Variants in ELMOD1 observed in about 807,000 individuals in gnomAD.
ELMOD1 encodes the protein ELMO domain-containing protein 1.
In ELMOD1, 21 loss-of-function variants were observed where a neutral mutation model predicts 46.7. The ratio of observed to expected loss-of-function variants is 0.45; its 90% CI spans 0.32 to 0.65. The LOEUF (loss-of-function observed/expected upper bound fraction) is 0.65. ELMOD1 is among the 30% of genes least tolerant of loss of function. The pLI, the probability that ELMOD1 is intolerant of heterozygous loss-of-function variation, is 0.04. For missense variants in ELMOD1, 348 were observed against 407.8 expected (o/e 0.85, Z 1.26); for synonymous variants, 122 against 138.2 (o/e 0.88, Z 0.82).
intron 6 of ELMOD1, chr11:107,643,553 T>C (rs1297626035): frequency 5.9e-6 from 3 of 512,278 alleles, no homozygotes; most frequent in Non-Finnish European, 1.2e-5. Flanking sequence ...TGGAGTTTTA[T>C]GAGCCACACA....
In ELMOD1 at chr11:107,658,996, G is replaced by T. The variant is rs140334326; in HGVS notation, c.832+2930G>T. Among the ~76,000 whole-genome samples, 19 of 152,294 alleles carry T rather than the reference G, an allele frequency of 1.2e-4. No homozygotes were observed. The East Asian group carries it at 3.7e-3, about 29-fold the overall frequency. Reference sequence around the variant, plus strand: ...TTAGCTCACTCAGCCTGGAAGTCAGGGAAGTTTCTCCAAAGCAAATGCCAC... The same window carrying T: ...TTAGCTCACTCAGCCTGGAAGTCAGTGAAGTTTCTCCAAAGCAAATGCCAC... On this transcript the variant is annotated intron_variant, in intron 11 of 11. Coordinates refer to ENST00000265840, the MANE Select transcript of ELMOD1 (RefSeq NM_018712.4).
In ELMOD1 at chr11:107,631,602, T is replaced by C; in HGVS notation, c.215T>C (p.Val72Ala). 1 of 1,563,154 alleles carries C rather than the reference T, an allele frequency of 6.4e-7. No individual in the cohort carries two copies. Among genetic ancestry groups the C allele is most frequent in the African/African-American group, 1.4e-5 (1 of 73,554 alleles). The change falls in exon 5 of 12, where the codon GTT (valine) becomes GCT (alanine). Residue 72 changes from valine to alanine, a missense_variant. By Grantham distance (64) the Val-to-Ala change is moderately conservative (BLOSUM62 0). Transcript: ENST00000265840. ...KSKLLQTSVSVHPDAIEKTIE... is the reference protein window; with the variant it reads ...KSKLLQTSVSAHPDAIEKTIE... The stretch of plus-strand genomic sequence containing the variant: ...CAGCTGTTGCAGACTTCTGTGAGTG[T>C]TCACCCCGACGCTATTGAAAAAACT...
chr11:107,597,930 T>A (rs1373690141), intron 1 of ELMOD1, among the ~76,000 whole-genome samples: 1 of 152,174 alleles, frequency 6.6e-6, no homozygotes, highest in Non-Finnish European at 1.5e-5. Context: ...AAAATAAAAT[T>A]GCACAGCACA....
chr11:107,602,085 G>C (rs1026134860), intron 1 of ELMOD1, among the ~76,000 whole-genome samples: 13 of 152,314 alleles, frequency 8.5e-5, no homozygotes, highest in African/African-American at 3.1e-4. Flanking sequence ...TTGTATGTCT[G>C]AAATTGTCTT....
At chr11:107,611,401 T>G (rs535581230) in intron 1 of ELMOD1, among the ~76,000 whole-genome samples, 1 of 151,954 alleles carries the variant, frequency 6.6e-6, no homozygotes, top group Non-Finnish European at 1.5e-5. Flanking sequence ...ACAAATCACC[T>G]CATTAAAAAG....
At chr11:107,642,415 C>G (rs11821158) in intron 6 of ELMOD1, among the ~76,000 whole-genome samples, 1 of 152,090 alleles carries the variant, frequency 6.6e-6, no homozygotes, top group Non-Finnish European at 1.5e-5. Context: ...GTCACCCAGG[C>G]TGGAGTGCAG....
chr11:107,614,789 G>A (rs4754235), intron 1 of ELMOD1, among the ~76,000 whole-genome samples: 83,977 of 151,970 alleles, frequency 0.55, 23,727 homozygotes, highest in East Asian at 0.81. Flanking sequence ...TCCTTATCTT[G>A]CCATCACTAT....
At position 107,665,304 on chromosome 11, in the gene ELMOD1, C is replaced by T; in HGVS notation, c.*107C>T. 8.8e-7 allele frequency: 1 copy of T among 1,142,774 alleles called. No homozygotes were observed. Among genetic ancestry groups the T allele is most frequent in the South Asian group, 1.5e-5 (1 of 67,852 alleles). 70.8% of individuals were successfully genotyped at this position (1,142,774 alleles called of 1,614,324 possible). The stretch of plus-strand genomic sequence containing the variant: ...ATTGAATGCACACAGTGATTGTATG[C>T]ATGCCTTTTGGTACAGTGTTTTCAT... On this transcript the variant is annotated 3_prime_UTR_variant, in exon 12 of 12. Coordinates refer to ENST00000265840, the MANE Select transcript of ELMOD1 (RefSeq NM_018712.4).
rs1443536753 is a variant in ELMOD1, at chr11:107,603,960, AG to A, written c.-86+12553del. 3.3e-5 allele frequency among the ~76,000 whole-genome samples: 5 copies of A among 152,308 alleles called. No homozygotes were observed. In the East Asian group the frequency reaches 9.6e-4, roughly 29 times the overall value. Reference sequence around the variant, plus strand: ...TTGATTGTGAGATAGCTGGAAAACCAGGAGAACATGAGATCACAGAAGCCAC... The same window carrying A: ...TTGATTGTGAGATAGCTGGAAAACCAGAGAACATGAGATCACAGAAGCCAC... On this transcript the variant is annotated intron_variant, in intron 1 of 11. Coordinates refer to ENST00000265840, the MANE Select transcript of ELMOD1 (RefSeq NM_018712.4).
At chr11:107,661,211 C>T (rs1246104654) in intron 11 of ELMOD1, among the ~76,000 whole-genome samples, 1 of 152,160 alleles carries the variant, frequency 6.6e-6, no homozygotes, top group Non-Finnish European at 1.5e-5. Flanking sequence ...TGAGCCAGCC[C>T]CTCCTCTACC....
chr11:107,665,186 A>T lies in ELMOD1; in HGVS notation c.994A>T (p.Ile332Phe). Reference protein sequence around the residue: ...CPHFAASEGLINM With the variant: ...CPHFAASEGLFNM ...ACATTTTGCTGCCTCGGAAGGTTTA[A>T]TCAACATGTAGTTGCCCACGCCGGT... Residue 332 changes from isoleucine (I) to phenylalanine (F), a missense_variant, in exon 12 of 12, where the codon ATC becomes TTC. Transcript: ENST00000265840. The T allele has an allele frequency of 6.2e-7, 1 of 1,613,890 alleles. No homozygotes were observed. Among genetic ancestry groups the T allele is most frequent in the Non-Finnish European group, 8.5e-7 (1 of 1,179,846 alleles).
At chr11:107,660,605 G>A (rs1197597969) in intron 11 of ELMOD1, among the ~76,000 whole-genome samples, 1 of 152,238 alleles carries the variant, frequency 6.6e-6, no homozygotes, top group African/African-American at 2.4e-5. Flanking sequence ...GTGGTGAAAA[G>A]TCAGCTGGTT....
chr11:107,663,292 A>G (rs1866775892), intron 11 of ELMOD1, among the ~76,000 whole-genome samples: 1 of 152,134 alleles, frequency 6.6e-6, no homozygotes, highest in Admixed American at 6.5e-5. Context: ...CCCTCATCAG[A>G]AATGTTAAAA....
chr11:107,606,482 A>C (rs1288562105), intron 1 of ELMOD1, among the ~76,000 whole-genome samples: 1 of 152,186 alleles, frequency 6.6e-6, no homozygotes, highest in Admixed American at 6.5e-5. Context: ...AGACATGCAT[A>C]TGTGCAGAAC....
chr11:107,644,915 TTTTTGTTTTTG>T (rs1565385751), intron 6 of ELMOD1, among the ~76,000 whole-genome samples: 2,038 of 127,902 alleles, frequency 0.016, 48 homozygotes, highest in African/African-American at 0.054. Flanking sequence ...AGGGTTTTTG[TTTTTGTTTTTG>T]TTTTTGTTTT....
At chr11:107,615,975 C>G (rs1183678957) in intron 1 of ELMOD1, among the ~76,000 whole-genome samples, 1 of 135,250 alleles carries the variant, frequency 7.4e-6, no homozygotes, top group Middle Eastern at 3.8e-3. Context: ...CAGTGTTTGT[C>G]AGGTTTTTCC....
intron 4 of ELMOD1, 60 bp from the exon 5 acceptor site, chr11:107,631,520 A>G (rs1866140154): frequency 9.7e-7 from 1 of 1,030,670 alleles, no homozygotes; most frequent in African/African-American, 1.7e-5. Flanking sequence ...CTATCCCAGT[A>G]GATACTGATT....
rs75474041 is a variant in ELMOD1 at position 107,613,980 on chromosome 11, A to C, written c.-85-4125A>C. Among the ~76,000 whole-genome samples the C allele has an allele frequency of 1.7e-3, 252 of 152,320 alleles. 8 individuals carry two copies. The East Asian group carries it at 0.045, about 27-fold the overall frequency. On this transcript the variant is annotated intron_variant, in intron 1 of 11. Transcript: ENST00000265840. The stretch of plus-strand genomic sequence containing the variant: ...TACCACTTGGTCCTGAAAACTAAAA[A>C]TGTTCCAAAGACCTTTTTATACCCA...
chr11:107,633,314 G>C (rs1010359778), intron 5 of ELMOD1, among the ~76,000 whole-genome samples: 1 of 151,964 alleles, frequency 6.6e-6, no homozygotes, highest in Non-Finnish European at 1.5e-5. Context: ...TAGAGATGGG[G>C]GAAACACTTT....
Sources: gnomAD v4.1 joint callset for allele counts (sites outside exome capture counted in the v4.1 genomes callset) on GRCh38, gnomAD v4.1.1 for gene constraint, MANE v1.5 for transcripts, NCBI Gene and HGNC (gene_info 2026-07-23, HGNC 2026-07-21) for gene names.